The following PTPRZ1 variants were observed in gnomAD, a reference collection of about 807,000 sequenced individuals.
PTPRZ1 encodes protein tyrosine phosphatase receptor type Z1.
PTPRZ1 carries 82 observed loss-of-function variants against 214.1 expected under a neutral mutation model. The observed-to-expected ratio is 0.38, with a 90% CI of 0.32 to 0.46. The LOEUF is 0.46. Ranked by LOEUF, PTPRZ1 falls within the 20% of genes least tolerant of loss-of-function variation. The pLI is 1.00. For synonymous variants in PTPRZ1, 945 were observed against 987.9 expected (o/e 0.96, Z 0.81); for missense variants, 2,603 against 2,748.7 (o/e 0.95, Z 1.19).
At chr7:121,930,348 C>T (rs1795885454) in intron 2 of PTPRZ1, among the ~76,000 whole-genome samples, 1 of 152,072 alleles carries the variant, frequency 6.6e-6, no homozygotes, top group African/African-American at 2.4e-5. Flanking sequence ...AATTTGACTC[C>T]ATTTTGAATT....
chr7:122,057,327 CTCTTGTTGAAAATGAAGTT>C (rs1331766256), intron 27 of PTPRZ1, among the ~76,000 whole-genome samples: 18 of 151,862 alleles, frequency 1.2e-4, no homozygotes, highest in African/African-American at 4.1e-4. Context: ...ATTTGCATTT[CTCTTGTTGAAAATGAAGTT>C]TTCAACATAA....
chr7:121,965,353 GGTTT>G (rs33965058), intron 2 of PTPRZ1, among the ~76,000 whole-genome samples: 91,363 of 150,894 alleles, frequency 0.61, 28,526 homozygotes, highest in African/African-American at 0.76. Flanking sequence ...TTGTTGTTGT[GGTTT>G]GTTTGTTTGT....
At chr7:121,992,622 C>G (rs1340797706) in intron 8 of PTPRZ1, among the ~76,000 whole-genome samples, 1 of 152,024 alleles carries the variant, frequency 6.6e-6, no homozygotes, top group African/African-American at 2.4e-5. Context: ...TTATACATTC[C>G]TCTATCAATG....
At position 121,918,539 on chromosome 7, in the gene PTPRZ1, A is replaced by C. The variant is rs1161966313; in HGVS notation, c.59-9617A>C. Among the ~76,000 whole-genome samples the C allele has an allele frequency of 2.6e-5, 4 of 152,294 alleles. No homozygotes were observed. The South Asian group carries it at 8.3e-4, about 32-fold the overall frequency. ...GCTGTTAATGCTGCATCTATCATGC[A>C]GTCTCTTGGAAGAAGATTTTAAAAT... On this transcript the variant is annotated intron_variant, in intron 1 of 29. Coordinates refer to ENST00000393386, the MANE Select transcript of PTPRZ1 (RefSeq NM_002851.3).
intron 10 of PTPRZ1, among the ~76,000 whole-genome samples, chr7:121,999,531 AT>A (rs1369307195): frequency 6.6e-6 from 1 of 152,198 alleles, no homozygotes; most frequent in Non-Finnish European, 1.5e-5. Context: ...TTATTTATGC[AT>A]TTTGAGTATG....
At chr7:122,021,726 T>C in intron 13 of PTPRZ1, among the ~76,000 whole-genome samples, 1 of 151,224 alleles carries the variant, frequency 6.6e-6, no homozygotes, top group East Asian at 2.0e-4. Context: ...GGCGACAAAG[T>C]AAGACACTGT....
chr7:121,879,114 G>A (rs1459204883), intron 1 of PTPRZ1, among the ~76,000 whole-genome samples: 1 of 152,178 alleles, frequency 6.6e-6, no homozygotes, highest in Non-Finnish European at 1.5e-5. Context: ...TGTGATTAAT[G>A]CCTGTACAAG....
At chr7:122,038,582 AAC>A (rs1799620779) in intron 18 of PTPRZ1, among the ~76,000 whole-genome samples, 171 bp from the exon 19 acceptor site, 1 of 148,858 alleles carries the variant, frequency 6.7e-6, no homozygotes, top group African/African-American at 2.5e-5. Context: ...AGTATTTTCT[AAC>A]CAAGAGTAGC....
At chr7:122,004,580 A>G in intron 10 of PTPRZ1, 34 bp from the exon 11 acceptor site, 1 of 1,185,218 alleles carries the variant, frequency 8.4e-7, no homozygotes, top group Non-Finnish European at 1.2e-6. Flanking sequence ...ATAGTTGAAT[A>G]AAAACTTTAA....
chr7:121,977,600 C>G (rs1192057983), intron 6 of PTPRZ1, among the ~76,000 whole-genome samples: 1 of 152,066 alleles, frequency 6.6e-6, no homozygotes, highest in Admixed American at 6.6e-5. Context: ...TTCTTGAAAG[C>G]AGAAGCCTGG....
intron 14 of PTPRZ1, among the ~76,000 whole-genome samples, chr7:122,031,117 C>T (rs1374505430): frequency 6.6e-6 from 1 of 151,946 alleles, no homozygotes; most frequent in African/African-American, 2.4e-5. Context: ...TACATTTTTT[C>T]TCAGAATTTA....
intron 2 of PTPRZ1, among the ~76,000 whole-genome samples, chr7:121,957,055 C>T (rs945595211): frequency 2.0e-5 from 3 of 152,206 alleles, no homozygotes; most frequent in African/African-American, 7.2e-5. Flanking sequence ...CAAAAATGCG[C>T]ACACTTCGCT....
chr7:121,989,674 G>A (rs983288356), intron 8 of PTPRZ1, among the ~76,000 whole-genome samples: 31 of 152,190 alleles, frequency 2.0e-4, no homozygotes, highest in Non-Finnish European at 3.5e-4. Flanking sequence ...ACGCTCCACC[G>A]AAAGTTTTTT....
chr7:121,894,200 C>T (rs1185013594), intron 1 of PTPRZ1, among the ~76,000 whole-genome samples: 1 of 152,156 alleles, frequency 6.6e-6, no homozygotes, highest in South Asian at 2.1e-4. Context: ...CAGCAGTATA[C>T]GGAAGGACCC....
chr7:121,965,329 AAAGTCCCTG>A (rs1259608376), intron 2 of PTPRZ1, among the ~76,000 whole-genome samples: 1 of 151,516 alleles, frequency 6.6e-6, no homozygotes, highest in Non-Finnish European at 1.5e-5. Context: ...TTGTAGGACT[AAAGTCCCTG>A]ATTTTTGTTG....
chr7:121,912,635 C>T (rs1193765652), intron 1 of PTPRZ1, among the ~76,000 whole-genome samples: 1 of 151,980 alleles, frequency 6.6e-6, no homozygotes, highest in Non-Finnish European at 1.5e-5. Flanking sequence ...GTTACAGGGG[C>T]TTAAAAGAAC....
chr7:121,989,397 G>A (rs1203883342), intron 8 of PTPRZ1, among the ~76,000 whole-genome samples: 3 of 83,050 alleles, frequency 3.6e-5, no homozygotes. Context: ...TTTTTGAGTT[G>A]GAGTTTCACT....
chr7:121,975,310 A>G (rs1362356090), intron 4 of PTPRZ1, among the ~76,000 whole-genome samples: 1 of 152,132 alleles, frequency 6.6e-6, no homozygotes, highest in Non-Finnish European at 1.5e-5. Flanking sequence ...ATTTCTTTCG[A>G]TTTCCCATGC....
intron 1 of PTPRZ1, among the ~76,000 whole-genome samples, chr7:121,912,932 G>T (rs1795320139): frequency 6.6e-6 from 1 of 151,974 alleles, no homozygotes; most frequent in Non-Finnish European, 1.5e-5. Flanking sequence ...TGGGTGTCAG[G>T]GAACATTCCT....
Sources: gnomAD v4.1 joint callset for allele counts (sites outside exome capture counted in the v4.1 genomes callset) on GRCh38, gnomAD v4.1.1 for gene constraint, MANE v1.5 for transcripts, NCBI Gene and HGNC (gene_info 2026-07-23, HGNC 2026-07-21) for gene names.